Variants in NKTR observed in about 807,000 individuals in gnomAD.
The protein encoded by NKTR is natural killer cell triggering receptor, also known as NK-tumor recognition protein.
In NKTR, 67 loss-of-function variants were observed where a neutral mutation model predicts 156.3. That is an observed-to-expected ratio of 0.43 (90% CI 0.35 to 0.53). The LOEUF is 0.53. Ranked by LOEUF, NKTR falls within the 20% of genes least tolerant of loss-of-function variation. The probability of loss-of-function intolerance (pLI) is 0.01; values close to 1 mark genes in which losing one functional copy is unlikely to be tolerated. For synonymous variants in NKTR, 640 were observed against 596.6 expected, an observed-to-expected ratio of 1.07 and a Z score of -1.06; for missense variants, 1,604 against 1,730.9, an observed-to-expected ratio of 0.93 and a Z score of 1.30.
In NKTR at chr3:42,635,735, A is replaced by G. The variant is rs28508060; in HGVS notation, c.1163+369A>G. Among the ~76,000 whole-genome samples the G allele has an allele frequency of 4.3e-3, 655 of 152,100 alleles. 3 individuals are homozygous for G. Among genetic ancestry groups the G allele is most frequent in the African/African-American group, 0.015 (627 of 41,510 alleles). ...GAGATTGGGACCACAGTGAAACCCC[A>G]TCTCTACTAAAAATACAAAAAATTA... is the stretch of plus-strand genomic sequence containing the variant. On this transcript the variant is annotated intron_variant, in intron 12 of 16. Coordinates refer to ENST00000232978, the MANE Select transcript of NKTR (RefSeq NM_005385.4).
Position 42,619,514 on chromosome 3 carries a change from G to C in NKTR, c.242-150G>C, listed in dbSNP as rs1707710793. On this transcript the variant is annotated intron_variant, in intron 4 of 16. Coordinates refer to ENST00000232978, the MANE Select transcript of NKTR (RefSeq NM_005385.4). ...GGGACTTGACATATATTTTACAGAT[G>C]AAGTTAATTGAGGACTCTGAGAATT... is the stretch of plus-strand genomic sequence containing the variant. 3 of 1,482,176 alleles carry C rather than the reference G, an allele frequency of 2.0e-6. No individual in the cohort carries two copies. In the East Asian group the frequency reaches 7.5e-5, roughly 37 times the overall value. 91.8% of individuals were successfully genotyped at this position (1,482,176 alleles called of 1,614,324 possible). A position where few individuals can be genotyped will look rare whatever the true frequency, so the allele number is the denominator to read the frequency against.
intron 3 of NKTR, among the ~76,000 whole-genome samples, 183 bp from the exon 4 acceptor site, chr3:42,618,837 G>A (rs1707645272): frequency 6.6e-6 from 1 of 151,928 alleles, no homozygotes; most frequent in Non-Finnish European, 1.5e-5. Context: ...ATGCTGCTTT[G>A]GATTATTTAT....
rs1229918000 is a variant in NKTR, at chr3:42,647,653, C to T, written c.*1678C>T. On this transcript the variant is annotated 3_prime_UTR_variant, in exon 17 of 17. Coordinates refer to ENST00000232978, the MANE Select transcript of NKTR (RefSeq NM_005385.4). ...AACAAACAATACTGGATACTGAATA[C>T]AAAACAGTATGATTTATATTAAAGG... 6.6e-6 allele frequency: 1 copy of T among 152,050 alleles called. No individual in the cohort carries two copies. Among genetic ancestry groups the T allele is most frequent in the Admixed American group, 6.5e-5 (1 of 15,274 alleles). The allele number at this position is 152,050 out of a possible 1,614,324, so 9.4% of individuals were successfully genotyped here.
Position 42,632,709 on chromosome 3 carries a change from G to A in NKTR, c.659G>A (p.Arg220Lys). ...TCAGAAAGTGAACTTGAACATGAGAGAAGCAGAAGGAGGAAACATAAGAGG... is the reference window on the plus strand; with the variant it reads ...TCAGAAAGTGAACTTGAACATGAGAAAAGCAGAAGGAGGAAACATAAGAGG... ...SSSESELEHE[R>K]SRRRKHKRRP... The change falls in exon 9 of 17, where the codon AGA becomes AAA. Residue 220 changes from arginine (R) to lysine (K), a missense_variant. Around this residue, in one of 6 missense-constraint regions of NKTR, gnomAD observed 1,255 missense variants for 1,243.7 expected, o/e 1.01. Coordinates refer to ENST00000232978, the MANE Select transcript of NKTR (RefSeq NM_005385.4). 1 of 1,613,830 alleles carries A rather than the reference G, an allele frequency of 6.2e-7. No individual in the cohort carries two copies. The highest frequency in any genetic ancestry group is 8.5e-7 in the Non-Finnish European group (1 of 1,179,874).
chr3:42,617,776 C>A (rs1276052947), intron 3 of NKTR, 132 bp downstream of exon 3: 11 of 534,044 alleles, frequency 2.1e-5, no homozygotes, highest in Non-Finnish European at 3.3e-5. Flanking sequence ...AAAAGAGTTA[C>A]TTATACTGAC....
In NKTR at chr3:42,645,858, A is replaced by G. The variant is rs773992670; in HGVS notation, c.4302-30A>G. 3 of 1,493,076 alleles carry G rather than the reference A, an allele frequency of 2.0e-6. No homozygotes were observed. In the African/African-American group the frequency reaches 4.2e-5, roughly 21 times the overall value. The allele number at this position is 1,493,076 out of a possible 1,614,324, so 92.5% of individuals were successfully genotyped here. On this transcript the variant is annotated intron_variant, in intron 16 of 16. Transcript: ENST00000232978. The stretch of plus-strand genomic sequence containing the variant: ...AATTCAAAGATTTTACAGTTACAAG[A>G]TTTTTATATATTTTGTTTTGTTATT...
intron 2 of NKTR, among the ~76,000 whole-genome samples, chr3:42,608,881 T>A (rs369469243): frequency 6.6e-6 from 1 of 152,144 alleles, no homozygotes; most frequent in Non-Finnish European, 1.5e-5. Context: ...ATCCCAGCAC[T>A]TTGGGAGGCC....
intron 2 of NKTR, among the ~76,000 whole-genome samples, chr3:42,604,659 C>CCTTTTTTTTTT (rs1706021574): frequency 4.4e-5 from 2 of 45,294 alleles, no homozygotes; most frequent in Non-Finnish European, 8.0e-5. Flanking sequence ...TATTTCTCTC[C>CCTTTTTTTTTT]TTTTTTTTTT....
chr3:42,631,192 G>C lies in NKTR; in HGVS notation c.426G>C (p.Leu142=). ...ACAGGGTGCATGTAGTCTTTGGACT[G>C]GTTATTTCTGGTTTTGAAGTAATCG... ...HLDGVHVVFG[L]VISGFEVIEQ... Residue 142 remains leucine (L), a synonymous_variant, in exon 8 of 17, where the codon CTG becomes CTC. Transcript: ENST00000232978. The C allele has an allele frequency of 6.2e-7, 1 of 1,613,980 alleles. No individual in the cohort carries two copies. Among genetic ancestry groups the C allele is most frequent in the Non-Finnish European group, 8.5e-7 (1 of 1,179,934 alleles).
At chr3:42,634,933 G>C (rs147374218) in intron 11 of NKTR, 2 of 461,118 alleles carry the variant, frequency 4.3e-6, no homozygotes, top group Non-Finnish European at 7.6e-6. Context: ...AGTATGCTGA[G>C]AAATCATTAA....
At chr3:42,635,918 A>T (rs1210236238) in intron 12 of NKTR, among the ~76,000 whole-genome samples, 1 of 152,202 alleles carries the variant, frequency 6.6e-6, no homozygotes, top group Non-Finnish European at 1.5e-5. Flanking sequence ...AAAAAAAAAA[A>T]AAAATAATTA....
intron 6 of NKTR, among the ~76,000 whole-genome samples, chr3:42,624,996 A>G (rs68028490): frequency 0.17 from 26,369 of 152,138 alleles, 2,802 homozygotes; most frequent in African/African-American, 0.3. Flanking sequence ...TTAGTTTCCT[A>G]TGTACCTTCA....
rs1319252894 is a variant in NKTR, at chr3:42,639,375, A to C, written c.3671A>C (p.Lys1224Thr). Reference protein sequence around the residue: ...AEKSQINLIDKKWKPLQGVGN... With the variant: ...AEKSQINLIDTKWKPLQGVGN... ...AAGAGCCAGATCAACCTCATTGATA[A>C]GAAATGGAAGCCCCTGCAAGGTGTG... Residue 1224 changes from lysine (K) to threonine (T), a missense_variant, in exon 13 of 17, where the codon AAG (lysine) becomes ACG (threonine). Around this residue, in one of 6 missense-constraint regions of NKTR, gnomAD observed 1,255 missense variants for 1,243.7 expected, o/e 1.01. Coordinates refer to ENST00000232978, the MANE Select transcript of NKTR (RefSeq NM_005385.4). 6.2e-7 allele frequency: 1 copy of C among 1,614,054 alleles called. No individual in the cohort carries two copies. Among genetic ancestry groups the C allele is most frequent in the Admixed American group, 1.7e-5 (1 of 60,014 alleles).
intron 2 of NKTR, among the ~76,000 whole-genome samples, chr3:42,606,322 A>G (rs1405732466): frequency 6.6e-6 from 1 of 152,200 alleles, no homozygotes; most frequent in Non-Finnish European, 1.5e-5. Context: ...GTTTCTTAAA[A>G]TTCTATCACT....
intron 6 of NKTR, chr3:42,627,204 A>C (rs1245458689): frequency 1.0e-6 from 1 of 984,218 alleles, no homozygotes. Context: ...TTACAGAAAG[A>C]GTGTTACACC....
intron 6 of NKTR, chr3:42,627,451 G>C: frequency 2.0e-6 from 2 of 985,208 alleles, no homozygotes; most frequent in Non-Finnish European, 2.4e-6. Context: ...ATCTTCTGGT[G>C]GGGGAGTGGG....
At chr3:42,609,694 A>G (rs1706575710) in intron 2 of NKTR, among the ~76,000 whole-genome samples, 1 of 152,222 alleles carries the variant, frequency 6.6e-6, no homozygotes, top group African/African-American at 2.4e-5. Context: ...AGAACAAGGT[A>G]TCTCTCCCTT....
intron 5 of NKTR, chr3:42,621,202 A>T (rs1707869688): frequency 3.5e-6 from 4 of 1,138,762 alleles, no homozygotes; most frequent in Admixed American, 9.7e-5. Flanking sequence ...TGTTTGTGTG[A>T]AGTATTAAAT....
At position 42,646,067 on chromosome 3, in the gene NKTR, C is replaced by T; in HGVS notation, c.*92C>T. On this transcript the variant is annotated 3_prime_UTR_variant, in exon 17 of 17. Coordinates refer to ENST00000232978, the MANE Select transcript of NKTR (RefSeq NM_005385.4). ...ACAGTCTGTTGTTCTATTTCAATAT[C>T]AGAGGTGAATTTCAAAAATAGACAC... 1.1e-6 allele frequency: 1 copy of T among 912,234 alleles called. No individual in the cohort carries two copies. The highest frequency in any genetic ancestry group is 1.5e-5 in the South Asian group (1 of 64,970). The allele number at this position is 912,234 out of a possible 1,614,324, so 56.5% of individuals were successfully genotyped here.
Sources: gnomAD v4.1 joint callset for allele counts (sites outside exome capture counted in the v4.1 genomes callset) on GRCh38, gnomAD v4.1.1 for gene constraint, gnomAD v4.1.1 regional missense constraint, MANE v1.5 for transcripts, NCBI Gene and HGNC (gene_info 2026-07-23, HGNC 2026-07-21) for gene names.